The following IQCM variants were observed in gnomAD, a reference collection of about 807,000 sequenced individuals.
IQCM encodes IQ domain-containing protein M.
In IQCM, 45 loss-of-function variants were observed where a neutral mutation model predicts 57.6. That is an observed-to-expected ratio of 0.78 (90% CI 0.62 to 1.00). The LOEUF is 1.00. Among genes scored for constraint, IQCM ranks in the 50% least tolerant of loss-of-function variants. The pLI, the probability that IQCM is intolerant of heterozygous loss-of-function variation, is 0.00. For missense variants in IQCM, 468 were observed against 511.6 expected (o/e 0.91, Z 0.82); for synonymous variants, 148 against 158.9 (o/e 0.93, Z 0.51).
chr4:149,526,824 A>G (rs1020342828), intron 12 of IQCM, among the ~76,000 whole-genome samples: 3 of 152,152 alleles, frequency 2.0e-5, no homozygotes, highest in Non-Finnish European at 4.4e-5. Context: ...ATTACCTTGC[A>G]TAATTTTTAT....
intron 13 of IQCM, among the ~76,000 whole-genome samples, chr4:149,354,363 C>CA (rs70965178): frequency 0.03 from 602 of 20,240 alleles, 108 homozygotes; most frequent in African/African-American, 0.045. Flanking sequence ...GACTCCGTCT[C>CA]AAAAAAAAAA....
chr4:149,371,164 A>C (rs930629991), intron 13 of IQCM, among the ~76,000 whole-genome samples: 1 of 152,166 alleles, frequency 6.6e-6, no homozygotes, highest in Non-Finnish European at 1.5e-5. Flanking sequence ...GGATGTGTTT[A>C]TAGGGTAAAT....
At chr4:149,494,932 A>C (rs1742497234) in intron 12 of IQCM, among the ~76,000 whole-genome samples, 1 of 152,100 alleles carries the variant, frequency 6.6e-6, no homozygotes, top group Non-Finnish European at 1.5e-5. Context: ...CCAAAGTGAA[A>C]ACCAAGAAAC....
chr4:149,363,362 T>A (rs181756265), intron 13 of IQCM, among the ~76,000 whole-genome samples: 1 of 152,284 alleles, frequency 6.6e-6, no homozygotes. Context: ...TCCAGGAATA[T>A]GGAATTCCAT....
At chr4:149,678,601 G>A (rs183973861) in intron 7 of IQCM, among the ~76,000 whole-genome samples, 1 of 150,602 alleles carries the variant, frequency 6.6e-6, no homozygotes, top group East Asian at 2.0e-4. Flanking sequence ...AAAACCCACT[G>A]GTAAAATTAA....
chr4:149,668,123 T>A (rs1760902936), intron 7 of IQCM, among the ~76,000 whole-genome samples: 1 of 151,946 alleles, frequency 6.6e-6, no homozygotes, highest in East Asian at 1.9e-4. Context: ...GACACATAAT[T>A]GTCAGATTCA....
chr4:149,403,611 A>G (rs1732771964), intron 13 of IQCM, among the ~76,000 whole-genome samples: 1 of 151,866 alleles, frequency 6.6e-6, no homozygotes, highest in Non-Finnish European at 1.5e-5. Context: ...CTAATTAGTG[A>G]TCAGTTCCTG....
At chr4:149,698,129 C>A (rs1050870404) in intron 5 of IQCM, among the ~76,000 whole-genome samples, 4 of 151,660 alleles carry the variant, frequency 2.6e-5, no homozygotes, top group African/African-American at 4.8e-5. Flanking sequence ...CCTACTCTAC[C>A]TTCATGTAAA....
At chr4:149,628,842 T>G (rs1340909379) in intron 7 of IQCM, among the ~76,000 whole-genome samples, 1 of 152,222 alleles carries the variant, frequency 6.6e-6, no homozygotes, top group East Asian at 1.9e-4. Flanking sequence ...AACTCCAGGT[T>G]ATTCTCAAAT....
At chr4:149,435,635 G>T (rs1291358482) in intron 12 of IQCM, among the ~76,000 whole-genome samples, 1 of 151,230 alleles carries the variant, frequency 6.6e-6, no homozygotes, top group Admixed American at 6.6e-5. Flanking sequence ...CCAGAAGAAA[G>T]CATTGTTATC....
chr4:149,687,823 A>ATTG (rs1762657623), intron 5 of IQCM, among the ~76,000 whole-genome samples: 2 of 151,988 alleles, frequency 1.3e-5, no homozygotes, highest in Admixed American at 6.6e-5. Context: ...GTGATACACC[A>ATTG]CATACACAGA....
intron 9 of IQCM, among the ~76,000 whole-genome samples, chr4:149,569,525 C>CAAATCA (rs1159286800): frequency 1.3e-5 from 2 of 152,132 alleles, no homozygotes; most frequent in Admixed American, 6.6e-5. Flanking sequence ...TTTTGCTAAA[C>CAAATCA]ATATATTATA....
intron 3 of IQCM, among the ~76,000 whole-genome samples, chr4:149,736,240 AC>A (rs201849421): frequency 0.014 from 2,149 of 152,120 alleles, 18 homozygotes; most frequent in Non-Finnish European, 0.025. Context: ...GACCGAAAGC[AC>A]CCAGCCTAAG....
chr4:149,699,360 A>G (rs997370933), intron 5 of IQCM, among the ~76,000 whole-genome samples: 1 of 152,094 alleles, frequency 6.6e-6, no homozygotes, highest in African/African-American at 2.4e-5. Flanking sequence ...AATTTTTACC[A>G]AGTAAATACC....
chr4:149,731,941 C>T (rs1766500093), intron 5 of IQCM, among the ~76,000 whole-genome samples: 1 of 152,150 alleles, frequency 6.6e-6, no homozygotes, highest in South Asian at 2.1e-4. Context: ...GAAGAGCATG[C>T]TTTGAGAAAT....
At chr4:149,484,751 G>T (rs942106291) in intron 12 of IQCM, among the ~76,000 whole-genome samples, 9 of 151,882 alleles carry the variant, frequency 5.9e-5, no homozygotes, top group African/African-American at 2.2e-4. Flanking sequence ...ACAGCAGTTG[G>T]TGTGTTATAC....
chr4:149,418,512 C>A (rs1419046643), intron 13 of IQCM, among the ~76,000 whole-genome samples: 1 of 152,012 alleles, frequency 6.6e-6, no homozygotes, highest in Non-Finnish European at 1.5e-5. Flanking sequence ...ACCAGAAATA[C>A]CAAGAGGAGC....
At chr4:149,809,673 C>G (rs1177649137) in intron 2 of IQCM, among the ~76,000 whole-genome samples, 2 of 152,150 alleles carry the variant, frequency 1.3e-5, no homozygotes, top group African/African-American at 4.8e-5. Context: ...CTCGACTGAT[C>G]CTTGCCACAT....
At chr4:149,673,117 T>C (rs1332753338) in intron 7 of IQCM, among the ~76,000 whole-genome samples, 1 of 152,250 alleles carries the variant, frequency 6.6e-6, no homozygotes, top group East Asian at 1.9e-4. Context: ...CAAGAGCTCC[T>C]GAAGGAAGCA....
Sources: allele counts gnomAD v4.1 joint callset (sites outside exome capture counted in the v4.1 genomes callset), GRCh38; gene constraint gnomAD v4.1.1; transcripts MANE v1.5; gene names NCBI Gene and HGNC (gene_info 2026-07-23, HGNC 2026-07-21).